NCOA3: variants seen among roughly 807,000 people sequenced by gnomAD.
NCOA3 encodes nuclear receptor coactivator 3.
NCOA3 carries 51 observed loss-of-function variants against 158.8 expected under a neutral mutation model. The ratio of observed to expected loss-of-function variants is 0.32; its 90% CI spans 0.26 to 0.41. The LOEUF is 0.41. Ranked by LOEUF, NCOA3 falls within the 10% of genes least tolerant of loss-of-function variation. The pLI is 1.00. For synonymous variants in NCOA3, 537 were observed against 592.4 expected, an observed-to-expected ratio of 0.91 and a Z score of 1.36; for missense variants, 1,510 against 1,746.6, an observed-to-expected ratio of 0.86 and a Z score of 2.41.
At chr20:47,642,072 C>CT (rs1040540609) in intron 16 of NCOA3, 141 bp from the exon 17 acceptor site, 4 of 695,718 alleles carry the variant, frequency 5.7e-6, no homozygotes, top group African/African-American at 1.8e-5. Context: ...GCCATTCACT[C>CT]TTTTTTACCA....
Position 47,620,504 on chromosome 20 carries a change from T to A in NCOA3, c.-19-1725T>A, listed in dbSNP as rs72645234. On this transcript the variant is annotated intron_variant, in intron 2 of 22. Transcript: ENST00000371998. ...TTAAAGCAAGGTTGCAAGAAAATAG[T>A]ACAAAGAGTTTTTACGTTTATCTCC... is the stretch of plus-strand genomic sequence containing the variant. Among the ~76,000 whole-genome samples, 140 of 152,296 alleles carry A rather than the reference T, an allele frequency of 9.2e-4. 2 individuals are homozygous for A. The highest frequency in any genetic ancestry group is 3.2e-3 in the African/African-American group (133 of 41,552).
chr20:47,529,836 G>A (rs1461424736), intron 1 of NCOA3, among the ~76,000 whole-genome samples: 1 of 152,132 alleles, frequency 6.6e-6, no homozygotes, highest in Non-Finnish European at 1.5e-5. Context: ...ATTTAAGAAG[G>A]CTAGTTTAAA....
intron 1 of NCOA3, among the ~76,000 whole-genome samples, chr20:47,508,216 T>C (rs1299857037): frequency 1.3e-5 from 2 of 152,228 alleles, no homozygotes; most frequent in African/African-American, 4.8e-5. Context: ...ATTAGGTTGG[T>C]GTTTGCCAAG....
chr20:47,529,032 G>A (rs2084502716), intron 1 of NCOA3, among the ~76,000 whole-genome samples: 1 of 151,990 alleles, frequency 6.6e-6, no homozygotes, highest in African/African-American at 2.4e-5. Context: ...CTCCCAGAGT[G>A]CTGGGATTAC....
intron 1 of NCOA3, among the ~76,000 whole-genome samples, chr20:47,565,845 C>T (rs2085184902): frequency 6.6e-6 from 1 of 152,118 alleles, no homozygotes; most frequent in African/African-American, 2.4e-5. Flanking sequence ...GATAATACTC[C>T]CATGACCATC....
At chr20:47,581,071 A>G (rs2146217574) in intron 1 of NCOA3, among the ~76,000 whole-genome samples, 1 of 152,278 alleles carries the variant, frequency 6.6e-6, no homozygotes, top group African/African-American at 2.4e-5. Context: ...ACCACACTCC[A>G]GCCAGTCTGG....
chr20:47,553,976 C>T (rs199733509), intron 1 of NCOA3, among the ~76,000 whole-genome samples: 8 of 152,066 alleles, frequency 5.3e-5, no homozygotes, highest in South Asian at 2.1e-4. Context: ...ATCGCCACAC[C>T]GACTTCCACA....
intron 18 of NCOA3, among the ~76,000 whole-genome samples, chr20:47,648,299 A>T (rs1243118874): frequency 6.6e-6 from 1 of 152,136 alleles, no homozygotes; most frequent in Non-Finnish European, 1.5e-5. Flanking sequence ...GTGTTACTGT[A>T]TTCATTTTAC....
intron 8 of NCOA3, among the ~76,000 whole-genome samples, chr20:47,632,381 GTTT>G (rs34786220): frequency 6.7e-5 from 9 of 135,132 alleles, no homozygotes; most frequent in Admixed American, 1.5e-4. Flanking sequence ...TGTTCAAGAG[GTTT>G]TTTTTTTTTT....
intron 1 of NCOA3, among the ~76,000 whole-genome samples, chr20:47,538,465 A>C (rs2084669724): frequency 6.6e-6 from 1 of 152,198 alleles, no homozygotes; most frequent in African/African-American, 2.4e-5. Context: ...ATTTGTGGAC[A>C]CATAAGATAC....
intron 1 of NCOA3, among the ~76,000 whole-genome samples, chr20:47,503,627 C>T (rs948546810): frequency 3.0e-4 from 46 of 152,056 alleles, no homozygotes; most frequent in Non-Finnish European, 6.0e-4. Flanking sequence ...TTTTTGCTCT[C>T]TTAAAAAAAA....
chr20:47,613,027 A>G (rs1396451137), intron 2 of NCOA3, among the ~76,000 whole-genome samples: 1 of 152,226 alleles, frequency 6.6e-6, no homozygotes, highest in African/African-American at 2.4e-5. Context: ...ACTGGAACAT[A>G]AATGTGCAAG....
intron 1 of NCOA3, among the ~76,000 whole-genome samples, chr20:47,521,895 T>C (rs1459795064): frequency 6.6e-6 from 1 of 152,188 alleles, no homozygotes; most frequent in Non-Finnish European, 1.5e-5. Context: ...CATTTCCATA[T>C]AATTGCTAGA....
intron 5 of NCOA3, among the ~76,000 whole-genome samples, chr20:47,626,202 G>A (rs2086319139): frequency 6.6e-6 from 1 of 152,250 alleles, no homozygotes; most frequent in South Asian, 2.1e-4. Flanking sequence ...TTTAGGGGCT[G>A]AAGCCCTTCA....
chr20:47,547,640 G>T (rs1177380477), intron 1 of NCOA3, among the ~76,000 whole-genome samples: 1 of 151,676 alleles, frequency 6.6e-6, no homozygotes, highest in African/African-American at 2.4e-5. Flanking sequence ...GGATAGTCTC[G>T]ATCTCCTGAC....
intron 1 of NCOA3, among the ~76,000 whole-genome samples, chr20:47,517,177 C>T (rs1276279975): frequency 6.6e-6 from 1 of 152,158 alleles, no homozygotes; most frequent in Non-Finnish European, 1.5e-5. Context: ...GAGATAGCAC[C>T]ACTGCACTCC....
At chr20:47,526,039 T>C (rs569038396) in intron 1 of NCOA3, among the ~76,000 whole-genome samples, 9,778 of 143,176 alleles carry the variant, frequency 0.068, 414 homozygotes, top group Middle Eastern at 0.17. Context: ...TCCTCACTTC[T>C]CAGACGGGGC....
chr20:47,509,606 T>A (rs773644677), intron 1 of NCOA3, among the ~76,000 whole-genome samples: 5 of 152,282 alleles, frequency 3.3e-5, no homozygotes, highest in Middle Eastern at 3.4e-3. Flanking sequence ...TGTTTCCAGA[T>A]TGAAATTTGG....
At chr20:47,557,567 A>C (rs1323042453) in intron 1 of NCOA3, among the ~76,000 whole-genome samples, 1 of 152,214 alleles carries the variant, frequency 6.6e-6, no homozygotes, top group African/African-American at 2.4e-5. Flanking sequence ...GACCATCTGT[A>C]AATAGGTGCA....
Sources: allele counts gnomAD v4.1 joint callset (sites outside exome capture counted in the v4.1 genomes callset), GRCh38; gene constraint gnomAD v4.1.1; transcripts MANE v1.5; gene names NCBI Gene and HGNC (gene_info 2026-07-23, HGNC 2026-07-21).